CNOT10: variants seen among roughly 807,000 people sequenced by gnomAD.
CNOT10 encodes CCR4-NOT transcription complex subunit 10.
In CNOT10, 30 loss-of-function variants were observed where a neutral mutation model predicts 94.6. The observed-to-expected ratio is 0.32, with a 90% CI of 0.24 to 0.43. CNOT10 has a LOEUF of 0.43. Ranked by LOEUF, CNOT10 falls within the 20% of genes least tolerant of loss-of-function variation. CNOT10 has a pLI of 1.00. For missense variants in CNOT10, 759 were observed against 877.2 expected, an observed-to-expected ratio of 0.87 and a Z score of 1.70; for synonymous variants, 289 against 301.6, an observed-to-expected ratio of 0.96 and a Z score of 0.43.
intron 10 of CNOT10, among the ~76,000 whole-genome samples, chr3:32,732,326 G>T (rs1182647621): frequency 6.6e-6 from 1 of 151,864 alleles, no homozygotes; most frequent in Admixed American, 6.6e-5. Flanking sequence ...GGAGGTGAAG[G>T]TTGCAGTGAG....
intron 1 of CNOT10, among the ~76,000 whole-genome samples, chr3:32,685,685 A>C (rs1020654428): frequency 6.6e-6 from 1 of 152,168 alleles, no homozygotes; most frequent in Non-Finnish European, 1.5e-5. Context: ...ACTCAAGTGC[A>C]GTATTTGAAG....
intron 13 of CNOT10, among the ~76,000 whole-genome samples, chr3:32,745,174 C>T (rs1283685574): frequency 1.3e-5 from 2 of 152,114 alleles, no homozygotes; most frequent in African/African-American, 4.8e-5. Context: ...CCACTGCATC[C>T]AGCCTTCTCT....
intron 10 of CNOT10, chr3:32,730,862 A>G (rs745882529): frequency 3.9e-5 from 6 of 152,222 alleles, no homozygotes; most frequent in Non-Finnish European, 8.8e-5. Flanking sequence ...AAACAAAAAT[A>G]GTCCCAATAT....
intron 13 of CNOT10, among the ~76,000 whole-genome samples, chr3:32,751,324 T>G (rs1197042895): frequency 6.6e-6 from 1 of 152,104 alleles, no homozygotes; most frequent in East Asian, 1.9e-4. Context: ...CAGGCTGGTC[T>G]CAAACTGCTG....
At chr3:32,752,994 G>T in intron 13 of CNOT10, 1 of 472,964 alleles carries the variant, frequency 2.1e-6, no homozygotes, top group Non-Finnish European at 4.2e-6. Flanking sequence ...GGACCCCCAG[G>T]CGGCATTAGA....
chr3:32,706,379 CTT>C (rs1401134492), intron 3 of CNOT10, among the ~76,000 whole-genome samples: 1 of 152,162 alleles, frequency 6.6e-6, no homozygotes, highest in Non-Finnish European at 1.5e-5. Context: ...GCCAAAAAAA[CTT>C]TGTGAAGTTC....
chr3:32,704,128 A>G (rs1471827347), intron 2 of CNOT10, among the ~76,000 whole-genome samples, 166 bp downstream of exon 2: 3 of 152,256 alleles, frequency 2.0e-5, no homozygotes, highest in Non-Finnish European at 4.4e-5. Context: ...GAGTTTAAAT[A>G]TGGTGAAAGG....
rs537939169 is a variant in CNOT10, at chr3:32,720,469, G to T, written c.862+238G>T. Among the ~76,000 whole-genome samples, 9 of 151,636 alleles carry T rather than the reference G, an allele frequency of 5.9e-5. No homozygotes were observed. The South Asian group carries it at 1.9e-3, about 32-fold the overall frequency. ...TTTTTTTACTTTTCCAGGTTGGATC[G>T]CTTTCCTCCCCTCCCCCACCTTTTT... On this transcript the variant is annotated intron_variant, in intron 8 of 18. Coordinates refer to ENST00000328834, the MANE Select transcript of CNOT10 (RefSeq NM_015442.3).
intron 12 of CNOT10, 69 bp from the exon 13 acceptor site, chr3:32,737,341 G>T: frequency 8.4e-7 from 1 of 1,193,310 alleles, no homozygotes; most frequent in Non-Finnish European, 1.2e-6. Flanking sequence ...TAAGGACAGG[G>T]AAACAAAATT....
At chr3:32,731,096 T>G (rs1020124666) in intron 10 of CNOT10, 9 of 152,224 alleles carry the variant, frequency 5.9e-5, no homozygotes, top group Non-Finnish European at 1.0e-4. Context: ...GTAAATTGAT[T>G]ACCACAACTA....
chr3:32,712,026 A>C (rs968177554), intron 4 of CNOT10, among the ~76,000 whole-genome samples: 1 of 150,214 alleles, frequency 6.7e-6, no homozygotes, highest in Admixed American at 6.6e-5. Flanking sequence ...AGATAGTTTT[A>C]TGTCACACCA....
intron 17 of CNOT10, among the ~76,000 whole-genome samples, chr3:32,767,878 T>C (rs547180418): frequency 3.3e-5 from 5 of 152,206 alleles, no homozygotes; most frequent in African/African-American, 1.2e-4. Flanking sequence ...AAAGTTACAG[T>C]GTGTACAGTC....
At chr3:32,702,567 T>C (rs1559480376) in intron 1 of CNOT10, among the ~76,000 whole-genome samples, 1 of 152,214 alleles carries the variant, frequency 6.6e-6, no homozygotes, top group Non-Finnish European at 1.5e-5. Flanking sequence ...TATGAAAATA[T>C]TCCTTGCCTG....
At chr3:32,720,071 G>C in intron 7 of CNOT10, 43 bp from the exon 8 acceptor site, 1 of 1,000,008 alleles carries the variant, frequency 1.0e-6, no homozygotes, top group Non-Finnish European at 1.5e-6. Flanking sequence ...TACATTAGGC[G>C]TCTGAAAACA....
chr3:32,710,363 T>G (rs1559484785), intron 4 of CNOT10, among the ~76,000 whole-genome samples: 2 of 151,846 alleles, frequency 1.3e-5, no homozygotes, highest in Non-Finnish European at 2.9e-5. Flanking sequence ...AAACCAAGTT[T>G]CCTCTTGTAC....
At chr3:32,764,113 G>A in intron 15 of CNOT10, 1 of 220,010 alleles carries the variant, frequency 4.5e-6, no homozygotes, top group Non-Finnish European at 8.8e-6. Context: ...GGCAACAAGA[G>A]CAAAACTCCA....
intron 13 of CNOT10, among the ~76,000 whole-genome samples, chr3:32,758,366 G>T (rs963249176): frequency 2.6e-5 from 4 of 152,128 alleles, no homozygotes; most frequent in Non-Finnish European, 4.4e-5. Flanking sequence ...AAATTCTAGG[G>T]TAGTTTTCTA....
chr3:32,688,043 G>C (rs1180169908), intron 1 of CNOT10, among the ~76,000 whole-genome samples: 1 of 152,136 alleles, frequency 6.6e-6, no homozygotes, highest in Non-Finnish European at 1.5e-5. Context: ...AGGACTTAAG[G>C]TGAGTGATCT....
chr3:32,742,480 C>G (rs1203473531), intron 13 of CNOT10, among the ~76,000 whole-genome samples: 3 of 151,570 alleles, frequency 2.0e-5, no homozygotes, highest in African/African-American at 4.9e-5. Context: ...CTCCCAGGTG[C>G]AAGCGACTCT....
Sources: gnomAD v4.1 joint callset for allele counts (sites outside exome capture counted in the v4.1 genomes callset) on GRCh38, gnomAD v4.1.1 for gene constraint, MANE v1.5 for transcripts, NCBI Gene and HGNC (gene_info 2026-07-23, HGNC 2026-07-21) for gene names.